The following PLD5 variants were observed in gnomAD, a reference collection of about 807,000 sequenced individuals.
PLD5 encodes the protein phospholipase D family member 5, also known as inactive phospholipase D5.
A neutral mutation model predicts 61.1 loss-of-function variants in PLD5; 36 were observed. That is an observed-to-expected ratio of 0.59 (90% CI 0.45 to 0.78). The LOEUF (loss-of-function observed/expected upper bound fraction) is 0.78. Among genes scored for constraint, PLD5 ranks in the 30% least tolerant of loss-of-function variants. The probability of loss-of-function intolerance (pLI) is 0.00; values close to 1 mark genes in which losing one functional copy is unlikely to be tolerated. For synonymous variants in PLD5, 243 were observed against 242.8 expected (o/e 1.00, Z -0.01); for missense variants, 515 against 644.4 (o/e 0.80, Z 2.17).
At chr1:242,198,766 C>T (rs1346501099) in intron 5 of PLD5, among the ~76,000 whole-genome samples, 1 of 148,960 alleles carries the variant, frequency 6.7e-6, no homozygotes, top group Non-Finnish European at 1.5e-5. Context: ...GATGGAGTTT[C>T]ACTCGTTGCC....
intron 1 of PLD5, among the ~76,000 whole-genome samples, chr1:242,503,159 A>G (rs953216944): frequency 6.6e-6 from 1 of 152,134 alleles, no homozygotes; most frequent in African/African-American, 2.4e-5. Context: ...ACTAAATCTC[A>G]TAGAAATGTC....
At chr1:242,327,934 A>C (rs746651090) in intron 2 of PLD5, among the ~76,000 whole-genome samples, 5 of 149,520 alleles carry the variant, frequency 3.3e-5, no homozygotes, top group African/African-American at 4.9e-5. Context: ...CTCTAGTTAG[A>C]AGAAAAAAAA....
rs115060862 is a variant in PLD5, at chr1:242,088,206, C to T, written c.*1648G>A. ...TGGTCCTGAAGAACCAGCTCTAGCACGACGTCTAGTTTTGTGTTGATGTTA... is the reference window on the plus strand; with the variant it reads ...TGGTCCTGAAGAACCAGCTCTAGCATGACGTCTAGTTTTGTGTTGATGTTA... On this transcript the variant is annotated 3_prime_UTR_variant, in exon 10 of 10. Transcript: ENST00000536534. 3 of 152,158 alleles carry T rather than the reference C, an allele frequency of 2.0e-5. No individual in the cohort carries two copies. The highest frequency in any genetic ancestry group is 2.9e-5 in the Non-Finnish European group (2 of 68,024). 9.4% of individuals were successfully genotyped at this position (152,158 alleles called of 1,614,324 possible).
Position 242,159,996 on chromosome 1 carries a change from A to G in PLD5, c.736-35331T>C, listed in dbSNP as rs190034068. On this transcript the variant is annotated intron_variant, in intron 5 of 9. Coordinates refer to ENST00000536534, the MANE Select transcript of PLD5 (RefSeq NM_001372062.1). ...GCAATTCATTAAAAATATTAGCTGA[A>G]TTCTTTTTTTTTCCCTTTTATTTTT... 3.3e-5 allele frequency among the ~76,000 whole-genome samples: 5 copies of G among 151,730 alleles called. No homozygotes were observed. In the East Asian group the frequency reaches 9.8e-4, roughly 30 times the overall value.
At chr1:242,133,017 C>T (rs1324419104) in intron 5 of PLD5, among the ~76,000 whole-genome samples, 1 of 148,960 alleles carries the variant, frequency 6.7e-6, no homozygotes, top group East Asian at 2.0e-4. Context: ...TCCCACTCCC[C>T]CCTCTCTTCC....
chr1:242,302,166 A>T (rs1196828747), intron 2 of PLD5, among the ~76,000 whole-genome samples: 1 of 152,218 alleles, frequency 6.6e-6, no homozygotes, highest in Non-Finnish European at 1.5e-5. Context: ...TCAGGACAGT[A>T]ACATGCTGTG....
chr1:242,433,723 AAACTT>A (rs1306149621), intron 1 of PLD5, among the ~76,000 whole-genome samples: 1 of 152,140 alleles, frequency 6.6e-6, no homozygotes, highest in Non-Finnish European at 1.5e-5. Flanking sequence ...ATTATTCTAA[AAACTT>A]AAAGCAGGGT....
At chr1:242,456,994 G>A (rs896651626) in intron 1 of PLD5, among the ~76,000 whole-genome samples, 6 of 152,184 alleles carry the variant, frequency 3.9e-5, no homozygotes, top group African/African-American at 1.4e-4. Context: ...AAAAGCTGCC[G>A]AGAACACTCT....
At chr1:242,417,807 A>G (rs993290450) in intron 1 of PLD5, among the ~76,000 whole-genome samples, 4 of 152,110 alleles carry the variant, frequency 2.6e-5, no homozygotes, top group Non-Finnish European at 5.9e-5. Flanking sequence ...GCAAGGAGGG[A>G]GGTGATATGG....
At chr1:242,100,069 G>A (rs1301190373) in intron 9 of PLD5, among the ~76,000 whole-genome samples, 3 of 152,184 alleles carry the variant, frequency 2.0e-5, no homozygotes, top group African/African-American at 7.2e-5. Flanking sequence ...AGCATTAATT[G>A]GGTATTATCT....
rs148651195 is a variant in PLD5 at position 242,189,315 on chromosome 1, G to A, written c.735+30673C>T. Among the ~76,000 whole-genome samples, 536 of 151,900 alleles carry A rather than the reference G, an allele frequency of 3.5e-3. 20 individuals are homozygous for A. In the East Asian group the frequency reaches 0.062, roughly 18 times the overall value. ...CAAAAAATTAGCTGGGCGTAGTGGC[G>A]GGCACCTGTAATCCCAGTTATTGGG... is the stretch of plus-strand genomic sequence containing the variant. On this transcript the variant is annotated intron_variant, in intron 5 of 9. Transcript: ENST00000536534.
At chr1:242,502,555 T>C (rs1358275647) in intron 1 of PLD5, among the ~76,000 whole-genome samples, 3 of 151,960 alleles carry the variant, frequency 2.0e-5, no homozygotes, top group African/African-American at 7.3e-5. Context: ...TACCTTTTCT[T>C]GCATTTTTTC....
At chr1:242,114,787 C>T (rs1016799888) in intron 6 of PLD5, among the ~76,000 whole-genome samples, 9 of 152,072 alleles carry the variant, frequency 5.9e-5, no homozygotes, top group Non-Finnish European at 1.0e-4. Context: ...ATGAGACCAT[C>T]TAGTTGCACA....
At chr1:242,300,747 CAGCGGGACAAGGGTT>C (rs1675990208) in intron 2 of PLD5, among the ~76,000 whole-genome samples, 1 of 4,982 alleles carries the variant, frequency 2.0e-4, no homozygotes, top group Non-Finnish European at 8.4e-4. Context: ...AAATGGGTTG[CAGCGGGACAAGGGTT>C]GCAGCGGGAG....
At chr1:242,228,591 A>T (rs1671101398) in intron 4 of PLD5, among the ~76,000 whole-genome samples, 1 of 151,416 alleles carries the variant, frequency 6.6e-6, no homozygotes, top group South Asian at 2.1e-4. Context: ...AGAGGTTGGC[A>T]TGACTGTCCA....
intron 4 of PLD5, among the ~76,000 whole-genome samples, chr1:242,238,144 CAG>C (rs1380849820): frequency 6.6e-6 from 1 of 152,146 alleles, no homozygotes; most frequent in Non-Finnish European, 1.5e-5. Flanking sequence ...CAGAAAGAAA[CAG>C]AGAAGAGGGT....
At chr1:242,257,074 A>G (rs1673104573) in intron 4 of PLD5, among the ~76,000 whole-genome samples, 1 of 150,472 alleles carries the variant, frequency 6.6e-6, no homozygotes, top group South Asian at 2.1e-4. Context: ...CTATCTATCT[A>G]TCTATCTATC....
intron 1 of PLD5, among the ~76,000 whole-genome samples, chr1:242,409,256 G>A (rs1355255309): frequency 6.6e-6 from 1 of 151,912 alleles, no homozygotes; most frequent in Non-Finnish European, 1.5e-5. Context: ...TCTCTACATA[G>A]CAAGTACAAT....
chr1:242,441,055 G>T (rs561409247), intron 1 of PLD5, among the ~76,000 whole-genome samples: 2 of 152,194 alleles, frequency 1.3e-5, no homozygotes, highest in Non-Finnish European at 2.9e-5. Context: ...TGTATTTATT[G>T]GTATGGAACA....
Sources: allele counts gnomAD v4.1 joint callset (sites outside exome capture counted in the v4.1 genomes callset), GRCh38; gene constraint gnomAD v4.1.1; transcripts MANE v1.5; gene names NCBI Gene and HGNC (gene_info 2026-07-23, HGNC 2026-07-21).